The following PCDH15 variants were observed in gnomAD, a reference collection of about 807,000 sequenced individuals.
The protein encoded by PCDH15 is protocadherin related 15.
PCDH15 carries 129 observed loss-of-function variants against 178.5 expected under a neutral mutation model. The observed-to-expected ratio is 0.72, with a 90% CI of 0.63 to 0.84. The LOEUF (loss-of-function observed/expected upper bound fraction) is 0.84, where lower values mean the gene tolerates loss of function less well. Ranked by LOEUF, PCDH15 falls within the 40% of genes least tolerant of loss-of-function variation. The probability of loss-of-function intolerance (pLI) is 0.00; values close to 1 mark genes in which losing one functional copy is unlikely to be tolerated. For synonymous variants in PCDH15, 800 were observed against 732.0 expected, an observed-to-expected ratio of 1.09 and a Z score of -1.50; for missense variants, 2,230 against 2,099.9, an observed-to-expected ratio of 1.06 and a Z score of -1.21.
At chr10:54,681,578 G>A (rs1298696356) in intron 1 of PCDH15, among the ~76,000 whole-genome samples, 1 of 152,154 alleles carries the variant, frequency 6.6e-6, no homozygotes, top group Non-Finnish European at 1.5e-5. Flanking sequence ...TAACTCTTGT[G>A]TATTTGCAAA....
At chr10:55,582,822 G>C (rs1369009903) in intron 2 of PCDH15, among the ~76,000 whole-genome samples, 1 of 151,482 alleles carries the variant, frequency 6.6e-6, no homozygotes, top group Non-Finnish European at 1.5e-5. Flanking sequence ...TGAACAGAAA[G>C]AGTTATTGAT....
chr10:54,655,214 AAGGAAGGG>A lies in PCDH15; in HGVS notation c.91+8950_91+8957del, dbSNP rs368090489. On this transcript the variant is annotated intron_variant, in intron 2 of 37. Transcript: ENST00000644397. ...CACAGAGCGAGACTCCGTCAAAAAAAAGGAAGGGAGGAAGGGAGGAAGGGAAAGAAAGA... is the reference window on the plus strand; with the variant it reads ...CACAGAGCGAGACTCCGTCAAAAAAAAGGAAGGGAGGAAGGGAAAGAAAGA... Among the ~76,000 whole-genome samples the A allele has an allele frequency of 2.8e-5, 4 of 142,888 alleles. No homozygotes were observed. In the East Asian group the frequency reaches 9.1e-4, roughly 32 times the overall value. 93.7% of individuals were successfully genotyped at this position (142,888 alleles called of 152,430 possible).
chr10:54,282,578 C>T (rs1347904869), intron 8 of PCDH15, among the ~76,000 whole-genome samples: 3 of 151,778 alleles, frequency 2.0e-5, no homozygotes, highest in African/African-American at 7.3e-5. Context: ...AAAGCTCAAA[C>T]AAATTTAAGA....
intron 8 of PCDH15, 151 bp downstream of exon 8, chr10:54,317,120 C>A: frequency 1.3e-6 from 1 of 782,098 alleles, no homozygotes; most frequent in Non-Finnish European, 2.1e-6. Context: ...TGTATTCATA[C>A]TCCCTGAAAA....
chr10:53,913,537 A>G (rs1258203540), intron 25 of PCDH15, among the ~76,000 whole-genome samples: 2 of 151,242 alleles, frequency 1.3e-5, no homozygotes, highest in African/African-American at 2.4e-5. Context: ...ATTGAGACCA[A>G]CCTGGCTAAC....
intron 25 of PCDH15, among the ~76,000 whole-genome samples, chr10:53,923,964 A>T (rs147731931): frequency 7.8e-4 from 118 of 151,562 alleles, no homozygotes; most frequent in African/African-American, 2.7e-3. Context: ...AGGGACAATA[A>T]TTTTTTTTTC....
intron 13 of PCDH15, among the ~76,000 whole-genome samples, chr10:54,158,210 T>C (rs2045350021): frequency 1.3e-5 from 2 of 152,218 alleles, no homozygotes; most frequent in Non-Finnish European, 2.9e-5. Flanking sequence ...ACATTGCTGA[T>C]ATAGACATAC....
At chr10:54,101,103 C>T (rs1256961561) in intron 15 of PCDH15, among the ~76,000 whole-genome samples, 1 of 152,078 alleles carries the variant, frequency 6.6e-6, no homozygotes, top group East Asian at 1.9e-4. Flanking sequence ...AGGTCATTCC[C>T]ATGGCTATTC....
At chr10:54,549,570 A>AT (rs2086301256) in intron 2 of PCDH15, among the ~76,000 whole-genome samples, 1 of 151,924 alleles carries the variant, frequency 6.6e-6, no homozygotes, top group South Asian at 2.1e-4. Context: ...AATGCCTAGT[A>AT]TATGGCCCAT....
At chr10:55,607,692 G>T (rs1210936607) in intron 2 of PCDH15, among the ~76,000 whole-genome samples, 1 of 142,472 alleles carries the variant, frequency 7.0e-6, no homozygotes, top group Non-Finnish European at 1.5e-5. Context: ...GGTGGGAATT[G>T]AACAATGAGA....
chr10:55,070,998 A>C (rs768674725), intron 2 of PCDH15, among the ~76,000 whole-genome samples: 16 of 152,100 alleles, frequency 1.1e-4, no homozygotes, highest in Non-Finnish European at 1.6e-4. Context: ...CAGCCAAACT[A>C]AGCTTCATAA....
intron 21 of PCDH15, among the ~76,000 whole-genome samples, chr10:53,990,891 G>A (rs1399223663): frequency 6.6e-6 from 1 of 152,062 alleles, no homozygotes; most frequent in East Asian, 1.9e-4. Flanking sequence ...GGCTTGGCGG[G>A]CCCCACACTC....
chr10:54,025,430 T>C (rs780111633), intron 18 of PCDH15, among the ~76,000 whole-genome samples: 7 of 152,098 alleles, frequency 4.6e-5, no homozygotes, highest in Non-Finnish European at 1.0e-4. Context: ...TCCTTGATGG[T>C]TGTCATGTGA....
intron 2 of PCDH15, among the ~76,000 whole-genome samples, chr10:55,418,254 G>A (rs1838532758): frequency 6.6e-6 from 1 of 151,614 alleles, no homozygotes. Flanking sequence ...TTTATTTTTA[G>A]TGCAGAATGT....
At chr10:55,576,502 G>T (rs1032050779) in intron 2 of PCDH15, among the ~76,000 whole-genome samples, 1 of 152,150 alleles carries the variant, frequency 6.6e-6, no homozygotes, top group Non-Finnish European at 1.5e-5. Context: ...TAAGGATAAT[G>T]TGTGTTGCAT....
intron 2 of PCDH15, among the ~76,000 whole-genome samples, chr10:55,522,087 G>C (rs1841189630): frequency 6.6e-6 from 1 of 151,830 alleles, no homozygotes. Flanking sequence ...TGGATCATGT[G>C]GTACTTCTAT....
At chr10:54,544,135 ATC>A (rs1009837502) in intron 2 of PCDH15, among the ~76,000 whole-genome samples, 37 of 152,296 alleles carry the variant, frequency 2.4e-4, no homozygotes, top group African/African-American at 8.7e-4. Context: ...CAGTAATTTG[ATC>A]TGACATTTCT....
rs1225544673 is a variant in PCDH15 at position 53,806,574 on chromosome 10, A to C, written c.*5T>G. 2 of 1,569,416 alleles carry C rather than the reference A, an allele frequency of 1.3e-6. No homozygotes were observed. Among genetic ancestry groups the C allele is most frequent in the South Asian group, 1.2e-5 (1 of 83,716 alleles). On this transcript the variant is annotated 3_prime_UTR_variant, in exon 38 of 38. Coordinates refer to ENST00000644397, the MANE Select transcript of PCDH15 (RefSeq NM_001384140.1). ...AATTAATTAAAATATCTTTTAAAAA[A>C]TTGGTCACAGTTTTGTCATTGGTAT...
intron 25 of PCDH15, among the ~76,000 whole-genome samples, chr10:53,913,963 A>G (rs2083337262): frequency 6.6e-6 from 1 of 151,664 alleles, no homozygotes; most frequent in African/African-American, 2.4e-5. Context: ...GGATATGAAC[A>G]GACACTTTTC....
Sources: gnomAD v4.1 joint callset for allele counts (sites outside exome capture counted in the v4.1 genomes callset) on GRCh38, gnomAD v4.1.1 for gene constraint, MANE v1.5 for transcripts, NCBI Gene and HGNC (gene_info 2026-07-23, HGNC 2026-07-21) for gene names.